GLIS3: variants seen among roughly 807,000 people sequenced by gnomAD.
GLIS3 encodes GLIS family zinc finger 3, also known as zinc finger protein GLIS3.
GLIS3 carries 53 observed loss-of-function variants against 78.6 expected under a neutral mutation model. That is an observed-to-expected ratio of 0.67 (90% confidence interval 0.54 to 0.85). GLIS3 has a LOEUF of 0.85. Ranked by LOEUF, GLIS3 falls within the 40% of genes least tolerant of loss-of-function variation. GLIS3 has a pLI of 0.00. For synonymous variants in GLIS3, 684 were observed against 509.9 expected, an observed-to-expected ratio of 1.34 and a Z score of -4.60; for missense variants, 1,703 against 1,231.1, an observed-to-expected ratio of 1.38 and a Z score of -5.74.
chr9:4,043,175 C>T (rs1429588344), intron 4 of GLIS3, among the ~76,000 whole-genome samples: 1 of 152,182 alleles, frequency 6.6e-6, no homozygotes, highest in Non-Finnish European at 1.5e-5. Flanking sequence ...ATTTTAATCC[C>T]TTTAAGCATC....
intron 2 of GLIS3, among the ~76,000 whole-genome samples, chr9:4,140,324 C>A (rs575265828): frequency 3.2e-4 from 49 of 151,852 alleles, no homozygotes; most frequent in African/African-American, 9.9e-4. Context: ...ACCCTGTCCC[C>A]AAAAAACAAA....
chr9:4,470,649 A>T, the GLIS3 span, among the ~76,000 whole-genome samples: 2 of 152,092 alleles, frequency 1.3e-5, no homozygotes, highest in East Asian at 1.9e-4. Flanking sequence ...CCAATATCAT[A>T]CTGAATGGGC....
Position 4,219,763 on chromosome 9 carries a change from G to A in GLIS3, c.388+66275C>T, listed in dbSNP as rs528186214. Among the ~76,000 whole-genome samples the A allele has an allele frequency of 1.8e-4, 28 of 152,184 alleles. 1 individual carries two copies. The highest frequency in any genetic ancestry group is 1.7e-3 in the Admixed American group (26 of 15,284). ...TGGGAGGAAGTGGGGGCTTTGGCTGGTATCGGCAGCACGTGCAGCAGGTCC... is the reference window on the plus strand; with the variant it reads ...TGGGAGGAAGTGGGGGCTTTGGCTGATATCGGCAGCACGTGCAGCAGGTCC... On this transcript the variant is annotated intron_variant, in intron 2 of 10. Transcript: ENST00000381971.
chr9:4,419,741 C>T, the GLIS3 span, among the ~76,000 whole-genome samples: 92 of 152,210 alleles, frequency 6.0e-4, 2 homozygotes, highest in South Asian at 7.7e-3. Flanking sequence ...GATCACGCCA[C>T]TGCACTCCAG....
At chr9:4,029,077 AAGT>A (rs1260426404) in intron 4 of GLIS3, among the ~76,000 whole-genome samples, 1 of 152,152 alleles carries the variant, frequency 6.6e-6, no homozygotes, top group African/African-American at 2.4e-5. Flanking sequence ...CTAATTCTAA[AAGT>A]AGTTTCCATT....
chr9:4,421,136 G>A, the GLIS3 span, among the ~76,000 whole-genome samples: 1 of 152,190 alleles, frequency 6.6e-6, no homozygotes, highest in Non-Finnish European at 1.5e-5. Context: ...GTAAAGCACT[G>A]TGAAAGCAAT....
the GLIS3 span, among the ~76,000 whole-genome samples, chr9:4,445,884 T>C: frequency 6.6e-6 from 1 of 152,238 alleles, no homozygotes; most frequent in Non-Finnish European, 1.5e-5. Flanking sequence ...GAAATGGACC[T>C]GTGCCATCCA....
chr9:4,298,189 C>T (rs905376986), intron 1 of GLIS3, among the ~76,000 whole-genome samples: 2 of 152,046 alleles, frequency 1.3e-5, no homozygotes, highest in African/African-American at 4.8e-5. Flanking sequence ...GCTGCCCGGC[C>T]TGGCCGGAGC....
chr9:3,970,777 T>G (rs1818320948), intron 4 of GLIS3, among the ~76,000 whole-genome samples: 1 of 152,126 alleles, frequency 6.6e-6, no homozygotes, highest in South Asian at 2.1e-4. Context: ...ATTTACCAAG[T>G]AAATATCCTA....
the GLIS3 span, among the ~76,000 whole-genome samples, chr9:4,420,362 G>A: frequency 8.9e-3 from 1,359 of 152,180 alleles, 23 homozygotes; most frequent in African/African-American, 0.03. Context: ...TCTTATCTGA[G>A]ACCATGTATA....
chr9:4,266,722 G>A (rs1465407759), intron 2 of GLIS3, among the ~76,000 whole-genome samples: 5 of 152,044 alleles, frequency 3.3e-5, no homozygotes, highest in African/African-American at 9.7e-5. Context: ...TCCAAAATAT[G>A]ATAAATAGTA....
intron 2 of GLIS3, among the ~76,000 whole-genome samples, chr9:4,145,884 G>C (rs1834189387): frequency 6.6e-6 from 1 of 152,074 alleles, no homozygotes; most frequent in Non-Finnish European, 1.5e-5. Flanking sequence ...CTTCATTTAA[G>C]CCTGTATGAT....
In GLIS3 at chr9:3,848,108, A is replaced by T. The variant is rs111354410; in HGVS notation, c.2473+7901T>A. ...CAATGCTTAAGTTCTAAGCAATACA[A>T]TTTCTTGACTTACTGCTTTATTATT... On this transcript the variant is annotated intron_variant, in intron 9 of 10. Transcript: ENST00000381971. Among the ~76,000 whole-genome samples the T allele has an allele frequency of 1.5e-4, 23 of 152,278 alleles. 1 individual carries two copies. The highest frequency in any genetic ancestry group is 5.5e-4 in the African/African-American group (23 of 41,562).
intron 4 of GLIS3, among the ~76,000 whole-genome samples, chr9:3,970,246 T>C (rs1029717843): frequency 2.0e-5 from 3 of 152,224 alleles, no homozygotes; most frequent in African/African-American, 7.2e-5. Flanking sequence ...CCTCTCTGTT[T>C]CACTGATGCT....
At chr9:3,834,072 C>T (rs1034129116) in intron 9 of GLIS3, among the ~76,000 whole-genome samples, 2 of 152,142 alleles carry the variant, frequency 1.3e-5, no homozygotes, top group Non-Finnish European at 2.9e-5. Flanking sequence ...ACGTTTTATA[C>T]ATTTATCTTC....
At chr9:4,178,994 G>A (rs1326572221) in intron 2 of GLIS3, among the ~76,000 whole-genome samples, 1 of 152,156 alleles carries the variant, frequency 6.6e-6, no homozygotes, top group Non-Finnish European at 1.5e-5. Context: ...ATTTAGGGCT[G>A]CAATTACCAG....
chr9:3,994,556 T>C (rs1820589509), intron 4 of GLIS3, among the ~76,000 whole-genome samples: 1 of 152,344 alleles, frequency 6.6e-6, no homozygotes, highest in African/African-American at 2.4e-5. Flanking sequence ...TATTAAAATA[T>C]GTTTTTGAGT....
At chr9:4,334,050 T>A (rs1817720462) in intron 2 of GLIS3, among the ~76,000 whole-genome samples, 1 of 152,130 alleles carries the variant, frequency 6.6e-6, no homozygotes, top group Non-Finnish European at 1.5e-5. Flanking sequence ...AGGCAGACAA[T>A]ACTCTAGTCT....
intron 4 of GLIS3, among the ~76,000 whole-genome samples, chr9:4,084,011 C>T (rs1361281899): frequency 6.6e-6 from 1 of 152,146 alleles, no homozygotes; most frequent in Non-Finnish European, 1.5e-5. Context: ...TCCAGGAGTT[C>T]AGATGGAGCT....
Sources: allele counts gnomAD v4.1 joint callset (sites outside exome capture counted in the v4.1 genomes callset), GRCh38; gene constraint gnomAD v4.1.1; transcripts MANE v1.5; gene names NCBI Gene and HGNC (gene_info 2026-07-23, HGNC 2026-07-21).